Variants in HECW2 observed in about 807,000 individuals in gnomAD.
HECW2 encodes the protein E3 ubiquitin-protein ligase HECW2.
In HECW2, 61 loss-of-function variants were observed where a neutral mutation model predicts 175.2. The observed-to-expected ratio is 0.35, with a 90% CI of 0.28 to 0.43. HECW2 has a LOEUF of 0.43. Ranked by LOEUF, HECW2 falls within the 20% of genes least tolerant of loss-of-function variation. HECW2 has a pLI of 1.00. For missense variants in HECW2, 1,524 were observed against 2,000.5 expected, an observed-to-expected ratio of 0.76 and a Z score of 4.54; for synonymous variants, 671 against 731.0, an observed-to-expected ratio of 0.92 and a Z score of 1.32.
chr2:196,354,026 G>A (rs36002892), intron 2 of HECW2, among the ~76,000 whole-genome samples: 7,093 of 152,198 alleles, frequency 0.047, 204 homozygotes, highest in African/African-American at 0.059. Context: ...AGGACCCACC[G>A]AATGCAAGTA....
intron 9 of HECW2, among the ~76,000 whole-genome samples, chr2:196,317,573 T>C (rs6710619): frequency 6.6e-6 from 1 of 152,062 alleles, no homozygotes; most frequent in East Asian, 1.9e-4. Context: ...GTCCTCTGCA[T>C]GTATCCCCCG....
At chr2:196,325,306 C>T (rs1692107214) in intron 5 of HECW2, among the ~76,000 whole-genome samples, 157 bp from the exon 6 acceptor site, 2 of 152,166 alleles carry the variant, frequency 1.3e-5, no homozygotes, top group African/African-American at 4.8e-5. Flanking sequence ...CTTAAATAAA[C>T]ACACAGGAGG....
At position 196,195,150 on chromosome 2, in the gene HECW2, T is replaced by G. The variant is rs115599173; in HGVS notation, c.*6127A>C. The G allele has an allele frequency of 1.9e-3, 286 of 152,278 alleles. 1 individual carries two copies. The highest frequency in any genetic ancestry group is 6.5e-3 in the African/African-American group (268 of 41,546). 9.4% of individuals were successfully genotyped at this position (152,278 alleles called of 1,614,324 possible). ...AATTTTATCTTTTAGAGCATTAGGG[T>G]CCTAAAAGAACATCCCATTCTGTGT... On this transcript the variant is annotated 3_prime_UTR_variant, in exon 29 of 29. Transcript: ENST00000644978.
At chr2:196,406,457 T>C (rs1694968235) in intron 2 of HECW2, among the ~76,000 whole-genome samples, 1 of 152,178 alleles carries the variant, frequency 6.6e-6, no homozygotes, top group Admixed American at 6.5e-5. Context: ...TATAAGCCCA[T>C]ATTCCCTCTC....
chr2:196,399,656 C>T (rs556861995), intron 2 of HECW2, among the ~76,000 whole-genome samples: 1 of 152,262 alleles, frequency 6.6e-6, no homozygotes, highest in African/African-American at 2.4e-5. Flanking sequence ...TAGTAGGTAA[C>T]AAAAACAAAA....
At chr2:196,338,432 A>G (rs559606486) in intron 3 of HECW2, among the ~76,000 whole-genome samples, 13 of 152,234 alleles carry the variant, frequency 8.5e-5, no homozygotes, top group African/African-American at 3.1e-4. Flanking sequence ...TAAACATTAT[A>G]CTCTTTCGTA....
chr2:196,509,959 T>C (rs1266840453), intron 1 of HECW2, among the ~76,000 whole-genome samples: 1 of 152,222 alleles, frequency 6.6e-6, no homozygotes, highest in East Asian at 1.9e-4. Context: ...AATACTGTGC[T>C]CCACTCAACT....
At position 196,511,092 on chromosome 2, in the gene HECW2, A is replaced by G. The variant is rs190621891; in HGVS notation, c.-35-77634T>C. Among the ~76,000 whole-genome samples, 90 of 152,238 alleles carry G rather than the reference A, an allele frequency of 5.9e-4. No homozygotes were observed. In the East Asian group the frequency reaches 9.3e-3, roughly 16 times the overall value. Reference sequence around the variant, plus strand: ...GTGATCCATGCACCTCTGCCTCCCAAGTAGCTGGGATTACAAGTGTGCACC... The same window carrying G: ...GTGATCCATGCACCTCTGCCTCCCAGGTAGCTGGGATTACAAGTGTGCACC... On this transcript the variant is annotated intron_variant, in intron 1 of 28. Transcript: ENST00000644978.
intron 3 of HECW2, among the ~76,000 whole-genome samples, chr2:196,341,520 C>T (rs751640286): frequency 4.6e-5 from 7 of 152,164 alleles, no homozygotes; most frequent in Non-Finnish European, 8.8e-5. Flanking sequence ...AGACATAAGT[C>T]GGAAAAACAA....
At chr2:196,337,699 A>G (rs951713881) in intron 3 of HECW2, among the ~76,000 whole-genome samples, 3 of 151,582 alleles carry the variant, frequency 2.0e-5, no homozygotes, top group African/African-American at 7.3e-5. Flanking sequence ...CTATAAAAAG[A>G]GTATTTTGAA....
At chr2:196,457,703 G>C (rs1453922442) in intron 1 of HECW2, among the ~76,000 whole-genome samples, 2 of 152,042 alleles carry the variant, frequency 1.3e-5, no homozygotes, top group Non-Finnish European at 2.9e-5. Flanking sequence ...TGATTTCCAA[G>C]ATACCTCTTA....
chr2:196,563,427 G>A (rs776510772), intron 1 of HECW2, among the ~76,000 whole-genome samples: 3 of 152,028 alleles, frequency 2.0e-5, no homozygotes, highest in Non-Finnish European at 2.9e-5. Flanking sequence ...TTAGCCAGAT[G>A]TGGTGGCGGA....
chr2:196,246,414 C>A (rs1688644823), intron 19 of HECW2, among the ~76,000 whole-genome samples: 1 of 152,044 alleles, frequency 6.6e-6, no homozygotes, highest in Non-Finnish European at 1.5e-5. Flanking sequence ...TAGACGGAGT[C>A]TCACTCTGTC....
At chr2:196,517,134 C>T (rs16853016) in intron 1 of HECW2, among the ~76,000 whole-genome samples, 2,511 of 152,240 alleles carry the variant, frequency 0.016, 61 homozygotes, top group African/African-American at 0.042. Context: ...GGCTTCCCAC[C>T]GCTCATTCAT....
At chr2:196,321,777 A>C (rs1329373783) in intron 7 of HECW2, among the ~76,000 whole-genome samples, 1 of 152,164 alleles carries the variant, frequency 6.6e-6, no homozygotes, top group Non-Finnish European at 1.5e-5. Flanking sequence ...TGGCTATTTC[A>C]GAAGGAAGAT....
At chr2:196,550,321 C>T (rs1340172786) in intron 1 of HECW2, among the ~76,000 whole-genome samples, 2 of 152,026 alleles carry the variant, frequency 1.3e-5, no homozygotes, top group Non-Finnish European at 2.9e-5. Context: ...AATTTAAATA[C>T]AAGTTCGAAC....
At chr2:196,390,721 T>A (rs1164704339) in intron 2 of HECW2, among the ~76,000 whole-genome samples, 1 of 152,222 alleles carries the variant, frequency 6.6e-6, no homozygotes, top group Non-Finnish European at 1.5e-5. Flanking sequence ...AAGGCATTCA[T>A]GGATCTAGAC....
chr2:196,210,923 CA>C, intron 28 of HECW2, among the ~76,000 whole-genome samples: 1 of 151,818 alleles, frequency 6.6e-6, no homozygotes, highest in African/African-American at 2.4e-5. Context: ...TGCACTCTGC[CA>C]AAAAGCAGAA....
intron 2 of HECW2, among the ~76,000 whole-genome samples, chr2:196,426,517 T>A (rs368477423): frequency 5.9e-5 from 9 of 152,272 alleles, no homozygotes; most frequent in Middle Eastern, 3.4e-3. Flanking sequence ...TTTTTTTTTT[T>A]AATATACCTG....
Sources: allele counts gnomAD v4.1 joint callset (sites outside exome capture counted in the v4.1 genomes callset), GRCh38; gene constraint gnomAD v4.1.1; transcripts MANE v1.5; gene names NCBI Gene and HGNC (gene_info 2026-07-23, HGNC 2026-07-21).